The following CALCOCO2 variants were observed in gnomAD, a reference collection of about 807,000 sequenced individuals.
The protein encoded by CALCOCO2 is calcium binding and coiled-coil domain 2, also known as calcium-binding and coiled-coil domain-containing protein 2.
Under a neutral mutation model 62.5 loss-of-function variants are expected in CALCOCO2, and 42 were observed. That is an observed-to-expected ratio of 0.67 (90% CI 0.53 to 0.87). The LOEUF (loss-of-function observed/expected upper bound fraction) is 0.87. Among genes scored for constraint, CALCOCO2 ranks in the 40% least tolerant of loss-of-function variants. The pLI is 0.00. For synonymous variants in CALCOCO2, 167 were observed against 173.0 expected, an observed-to-expected ratio of 0.97 and a Z score of 0.27; for missense variants, 456 against 515.0, an observed-to-expected ratio of 0.89 and a Z score of 1.11.
At chr17:48,860,947 C>G (rs188707210) in intron 11 of CALCOCO2, among the ~76,000 whole-genome samples, 2 of 152,052 alleles carry the variant, frequency 1.3e-5, no homozygotes, top group Non-Finnish European at 2.9e-5. Flanking sequence ...AAACAGGGAG[C>G]TTTTCTCATT....
chr17:48,857,036 A>G (rs1380993577), intron 10 of CALCOCO2, among the ~76,000 whole-genome samples: 1 of 151,936 alleles, frequency 6.6e-6, no homozygotes, highest in Non-Finnish European at 1.5e-5. Flanking sequence ...TCCTGGGCTC[A>G]AGCAATCCTC....
At chr17:48,835,655 G>A (rs753455951) in intron 1 of CALCOCO2, among the ~76,000 whole-genome samples, 3 of 152,094 alleles carry the variant, frequency 2.0e-5, no homozygotes, top group East Asian at 1.9e-4. Flanking sequence ...GAGCTCTTTC[G>A]TGTTGTCTAT....
chr17:48,839,878 T>C (rs571706639), intron 1 of CALCOCO2, among the ~76,000 whole-genome samples: 24 of 151,694 alleles, frequency 1.6e-4, no homozygotes, highest in African/African-American at 4.6e-4. Context: ...TTTCTCCATC[T>C]TGGTCAAGCT....
At chr17:48,839,084 T>C (rs1406816895) in intron 1 of CALCOCO2, among the ~76,000 whole-genome samples, 2 of 151,116 alleles carry the variant, frequency 1.3e-5, no homozygotes, top group Admixed American at 1.3e-4. Flanking sequence ...CTTGGCTCAC[T>C]GCAAACTCGG....
chr17:48,838,860 A>AT, intron 1 of CALCOCO2, among the ~76,000 whole-genome samples: 1 of 152,200 alleles, frequency 6.6e-6, no homozygotes, highest in South Asian at 2.1e-4. Flanking sequence ...CAACTGAAAT[A>AT]TTTTTTTCAT....
chr17:48,856,293 A>G, intron 10 of CALCOCO2, 106 bp downstream of exon 10: 1 of 609,996 alleles, frequency 1.6e-6, no homozygotes, highest in Admixed American at 2.9e-5. Context: ...CCTTTCTGGG[A>G]CAGTGGGTGA....
intron 2 of CALCOCO2, chr17:48,846,457 C>T (rs1157558199): frequency 5.4e-6 from 8 of 1,468,828 alleles, no homozygotes; most frequent in Non-Finnish European, 7.4e-6. Context: ...TTAAATGTTT[C>T]CAAGACAAAT....
chr17:48,839,197 C>T (rs1489056680), intron 1 of CALCOCO2, among the ~76,000 whole-genome samples: 4 of 151,314 alleles, frequency 2.6e-5, no homozygotes, highest in East Asian at 2.0e-4. Context: ...TTAGTAGAGA[C>T]GGGGTTTCAC....
intron 1 of CALCOCO2, among the ~76,000 whole-genome samples, chr17:48,834,045 A>T (rs979857540): frequency 5.7e-5 from 8 of 139,786 alleles, no homozygotes; most frequent in African/African-American, 1.0e-4. Context: ...TGAGCCAGGG[A>T]TGTCAAGGCT....
intron 1 of CALCOCO2, chr17:48,839,609 A>G (rs1442505550): frequency 1.3e-5 from 2 of 149,766 alleles, no homozygotes; most frequent in Admixed American, 1.3e-4. Context: ...TCAGCCTCCC[A>G]AAGTGTTGAG....
chr17:48,841,627 G>A, intron 1 of CALCOCO2, 71 bp from the exon 2 acceptor site: 1 of 1,097,176 alleles, frequency 9.1e-7, no homozygotes, highest in Non-Finnish European at 1.3e-6. Flanking sequence ...TTCCCTGGAT[G>A]AAAGCCCAGA....
intron 1 of CALCOCO2, among the ~76,000 whole-genome samples, chr17:48,839,670 CTTTTTTT>C (rs766846336): frequency 1.7e-4 from 11 of 66,172 alleles, no homozygotes; most frequent in East Asian, 3.9e-4. Flanking sequence ...CTTTGCTTTG[CTTTTTTT>C]TTTTTTTTTT....
At chr17:48,854,222 A>G (rs186049930) in intron 9 of CALCOCO2, among the ~76,000 whole-genome samples, 15,050 of 139,230 alleles carry the variant, frequency 0.11, 1,400 homozygotes, top group African/African-American at 0.26. Context: ...AGGCTGAGGC[A>G]GGAGAATCGC....
Position 48,851,126 on chromosome 17 carries a change from T to C in CALCOCO2, c.581T>C (p.Leu194Ser), listed in dbSNP as rs555175592. 4.3e-6 allele frequency: 7 copies of C among 1,611,068 alleles called. No individual in the cohort carries two copies. Among genetic ancestry groups the C allele is most frequent in the Non-Finnish European group, 4.2e-6 (5 of 1,177,370 alleles). ...LETLQSINKK[L>S]ELKVKEQKDY... is the part of the protein sequence containing the mutation. ...ACCCTACAGAGCATCAATAAGAAGT[T>C]GGAACTGAAAGTGAAAGAACAGAAG... is the stretch of plus-strand genomic sequence containing the variant. Residue 194 changes from leucine to serine, a missense_variant, in exon 6 of 13, where the codon TTG becomes TCG. Coordinates refer to ENST00000258947, the MANE Select transcript of CALCOCO2 (RefSeq NM_005831.5).
At chr17:48,849,855 C>T (rs778735136) in intron 5 of CALCOCO2, among the ~76,000 whole-genome samples, 7 of 151,998 alleles carry the variant, frequency 4.6e-5, no homozygotes, top group Admixed American at 6.6e-5. Context: ...TAGGTACATT[C>T]GGTTAAATAT....
intron 1 of CALCOCO2, among the ~76,000 whole-genome samples, chr17:48,837,601 C>G (rs1329258215): frequency 6.6e-6 from 1 of 151,854 alleles, no homozygotes; most frequent in Non-Finnish European, 1.5e-5. Flanking sequence ...AGCTGAGATA[C>G]CGCCACTGCA....
At chr17:48,847,503 G>A (rs1420753024) in intron 2 of CALCOCO2, among the ~76,000 whole-genome samples, 1 of 151,930 alleles carries the variant, frequency 6.6e-6, no homozygotes, top group Non-Finnish European at 1.5e-5. Context: ...TCTAAGACTT[G>A]TATTTTGAGC....
intron 5 of CALCOCO2, among the ~76,000 whole-genome samples, chr17:48,850,127 C>T (rs781487338): frequency 2.6e-5 from 4 of 152,050 alleles, no homozygotes; most frequent in Admixed American, 6.6e-5. Flanking sequence ...GGTGAAACCC[C>T]GTCTCTACTA....
chr17:48,846,203 C>T, intron 2 of CALCOCO2: 1 of 586,254 alleles, frequency 1.7e-6, no homozygotes, highest in Non-Finnish European at 2.9e-6. Context: ...GAGGTGCAAT[C>T]TGGGCTCACT....
Sources: allele counts gnomAD v4.1 joint callset (sites outside exome capture counted in the v4.1 genomes callset), GRCh38; gene constraint gnomAD v4.1.1; transcripts MANE v1.5; gene names NCBI Gene and HGNC (gene_info 2026-07-23, HGNC 2026-07-21).